The following SLC30A6 variants were observed in gnomAD, a reference collection of about 807,000 sequenced individuals.
SLC30A6 encodes solute carrier family 30 member 6.
Under a neutral mutation model 63.0 loss-of-function variants are expected in SLC30A6, and 55 were observed. The ratio of observed to expected loss-of-function variants is 0.87; its 90% CI spans 0.70 to 1.09. The LOEUF is 1.09. Among genes scored for constraint, SLC30A6 ranks in the 50% least tolerant of loss-of-function variants. The probability of loss-of-function intolerance (pLI) is 0.00; values close to 1 mark genes in which losing one functional copy is unlikely to be tolerated. For missense variants in SLC30A6, 587 were observed against 549.2 expected, an observed-to-expected ratio of 1.07 and a Z score of -0.69; for synonymous variants, 224 against 186.1, an observed-to-expected ratio of 1.20 and a Z score of -1.66.
intron 4 of SLC30A6, chr2:32,177,701 C>G (rs1167860851): frequency 6.3e-6 from 1 of 158,638 alleles, no homozygotes; most frequent in African/African-American, 2.4e-5. Flanking sequence ...CACTCTGTCA[C>G]CCCGGGTGGA....
Position 32,220,334 on chromosome 2 carries a change from G to A in SLC30A6, c.1007G>A (p.Trp336Ter). 3 of 1,614,140 alleles carry A rather than the reference G, an allele frequency of 1.9e-6. No homozygotes were observed. Among genetic ancestry groups the A allele is most frequent in the Non-Finnish European group, 2.5e-6 (3 of 1,180,032 alleles). Residue 336 changes from tryptophan (W) to a stop codon, truncating the protein, a stop_gained, in exon 14 of 14, where the codon TGG becomes TAG. Transcript: ENST00000282587. LOFTEE classifies it high-confidence loss of function. ...TLTVQIFKDDWIRPALLSGPV... is the reference protein window; with the variant it reads ...TLTVQIFKDD ...ACTGTTCAAATTTTCAAGGATGACT[G>A]GATTAGGCCTGCCTTATTGTCTGGG...
chr2:32,220,805 C>T lies in SLC30A6; in HGVS notation c.*92C>T. ...TTTGCATTGACTGTTTAATCATTTA[C>T]TCTAAATGTTAGATAATAGTAGTCT... On this transcript the variant is annotated 3_prime_UTR_variant, in exon 14 of 14. Transcript: ENST00000282587. 1 of 1,138,508 alleles carries T rather than the reference C, an allele frequency of 8.8e-7. No homozygotes were observed. The highest frequency in any genetic ancestry group is 1.2e-6 in the Non-Finnish European group (1 of 806,370). 70.5% of individuals were successfully genotyped at this position (1,138,508 alleles called of 1,614,324 possible). A position where few individuals can be genotyped will look rare whatever the true frequency, so the allele number is the denominator to read the frequency against.
At chr2:32,204,560 T>C in intron 10 of SLC30A6, 30 bp from the exon 11 acceptor site, 1 of 1,494,588 alleles carries the variant, frequency 6.7e-7, no homozygotes, top group Non-Finnish European at 9.3e-7. Context: ...AGATATAAAT[T>C]TAAAATTTAG....
At chr2:32,213,112 G>A (rs892510360) in intron 13 of SLC30A6, among the ~76,000 whole-genome samples, 1 of 151,576 alleles carries the variant, frequency 6.6e-6, no homozygotes, top group Non-Finnish European at 1.5e-5. Context: ...TTGCTGTGTT[G>A]CCTAGGCTGG....
chr2:32,203,163 C>G, intron 10 of SLC30A6: 1 of 1,250,882 alleles, frequency 8.0e-7, no homozygotes, highest in South Asian at 1.2e-5. Flanking sequence ...TTTGGACATT[C>G]CTGAAGTTGA....
chr2:32,206,343 G>C (rs1160937445), intron 11 of SLC30A6, among the ~76,000 whole-genome samples: 1 of 151,958 alleles, frequency 6.6e-6, no homozygotes, highest in Non-Finnish European at 1.5e-5. Context: ...CTACTCAGGA[G>C]GCTGAGGCAG....
rs1558357512 is a variant in SLC30A6 at position 32,165,881 on chromosome 2, GAGCTGTGC to G, written c.-15_-8del. ...GAGCACCCAGAACGGCTTCCGGCGG[GAGCTGTGC>G]AGCTCCTTATCATGGTGAGTTGGCT... On this transcript the variant is annotated 5_prime_UTR_variant, in exon 1 of 14. Coordinates refer to ENST00000282587, the MANE Select transcript of SLC30A6 (RefSeq NM_017964.5). 1.2e-6 allele frequency: 2 copies of G among 1,614,104 alleles called. No homozygotes were observed. Among genetic ancestry groups the G allele is most frequent in the South Asian group, 2.2e-5 (2 of 91,078 alleles).
chr2:32,210,660 T>C (rs1685187943), intron 13 of SLC30A6, among the ~76,000 whole-genome samples: 1 of 151,126 alleles, frequency 6.6e-6, no homozygotes, highest in Non-Finnish European at 1.5e-5. Context: ...ACAGATAGGG[T>C]TTGATTTTTC....
In SLC30A6 at chr2:32,165,898, A is replaced by T. The variant is rs368823104; in HGVS notation, c.-3A>T. 4.3e-6 allele frequency: 7 copies of T among 1,614,064 alleles called. No individual in the cohort carries two copies. The East Asian group carries it at 1.6e-4, about 36-fold the overall frequency. ...TCCGGCGGGAGCTGTGCAGCTCCTTATCATGGTGAGTTGGCTGTTGGGGTG... is the reference window on the plus strand; with the variant it reads ...TCCGGCGGGAGCTGTGCAGCTCCTTTTCATGGTGAGTTGGCTGTTGGGGTG... On this transcript the variant is annotated 5_prime_UTR_variant, in exon 1 of 14. Coordinates refer to ENST00000282587, the MANE Select transcript of SLC30A6 (RefSeq NM_017964.5).
chr2:32,169,007 T>TA (rs1294776643), intron 1 of SLC30A6, among the ~76,000 whole-genome samples: 5 of 152,140 alleles, frequency 3.3e-5, no homozygotes, highest in Admixed American at 6.6e-5. Context: ...ACCTGAAACT[T>TA]AAAGTTGGCT....
rs145015636 is a variant in SLC30A6 at position 32,178,867 on chromosome 2, G to A, written c.218+3506G>A. Among the ~76,000 whole-genome samples the A allele has an allele frequency of 3.0e-3, 451 of 152,182 alleles. 1 individual carries two copies. The highest frequency in any genetic ancestry group is 4.7e-3 in the Non-Finnish European group (323 of 68,004). On this transcript the variant is annotated intron_variant, in intron 4 of 13. Coordinates refer to ENST00000282587, the MANE Select transcript of SLC30A6 (RefSeq NM_017964.5). ...ATATTCCAGCTTTGTTCTTTTTCAA[G>A]ATTGTTTTGGCTAAACAGGCATTCT...
At chr2:32,190,329 G>A (rs1683214877) in intron 5 of SLC30A6, among the ~76,000 whole-genome samples, 1 of 151,874 alleles carries the variant, frequency 6.6e-6, no homozygotes, top group Non-Finnish European at 1.5e-5. Flanking sequence ...CATGGTGGTG[G>A]GTGCCTGTAA....
rs1484082282 is a variant in SLC30A6, at chr2:32,174,047, ATT to A, written c.91-12_91-11del. The A allele has an allele frequency of 6.2e-7, 1 of 1,604,408 alleles. No homozygotes were observed. The highest frequency in any genetic ancestry group is 1.1e-5 in the South Asian group (1 of 89,842). ...TATCACTTCTGTACACATAAGAGTG[ATT>A]TTTATTTTCACAGTCCTGGAAGATA... On this transcript the variant is annotated splice_polypyrimidine_tract_variant and intron_variant, in intron 2 of 13. Coordinates refer to ENST00000282587, the MANE Select transcript of SLC30A6 (RefSeq NM_017964.5).
intron 5 of SLC30A6, among the ~76,000 whole-genome samples, chr2:32,185,483 A>T (rs1682719890): frequency 6.6e-6 from 1 of 151,380 alleles, no homozygotes; most frequent in African/African-American, 2.4e-5. Context: ...TACTTTATTA[A>T]TTTTTTTTTA....
chr2:32,198,585 G>C (rs1206973650), intron 10 of SLC30A6, among the ~76,000 whole-genome samples: 1 of 152,010 alleles, frequency 6.6e-6, no homozygotes, highest in Non-Finnish European at 1.5e-5. Flanking sequence ...ACATAATATA[G>C]AGTTGGCTTT....
intron 4 of SLC30A6, among the ~76,000 whole-genome samples, chr2:32,177,278 A>C (rs1681840651): frequency 6.6e-6 from 1 of 152,054 alleles, no homozygotes; most frequent in East Asian, 1.9e-4. Context: ...TTCTTAGCAC[A>C]ATGCTTTTCT....
intron 10 of SLC30A6, chr2:32,203,172 G>C: frequency 8.0e-7 from 1 of 1,242,452 alleles, no homozygotes; most frequent in Non-Finnish European, 1.2e-6. Flanking sequence ...TCCTGAAGTT[G>C]ACCTGGTGAT....
intron 5 of SLC30A6, among the ~76,000 whole-genome samples, chr2:32,185,235 C>T (rs1682703001): frequency 2.0e-5 from 3 of 152,014 alleles, no homozygotes; most frequent in Admixed American, 2.0e-4. Flanking sequence ...GTGGTGTACA[C>T]CTGTGGTCCC....
intron 12 of SLC30A6, among the ~76,000 whole-genome samples, chr2:32,208,377 C>A (rs1273802183): frequency 1.3e-5 from 2 of 151,602 alleles, no homozygotes; most frequent in Non-Finnish European, 2.9e-5. Flanking sequence ...ATGATCCGCC[C>A]CTTGTGACCT....
Sources: gnomAD v4.1 joint callset for allele counts (sites outside exome capture counted in the v4.1 genomes callset) on GRCh38, gnomAD v4.1.1 for gene constraint, MANE v1.5 for transcripts, NCBI Gene and HGNC (gene_info 2026-07-23, HGNC 2026-07-21) for gene names.